RABL3: variants seen among roughly 807,000 people sequenced by gnomAD.
RABL3 encodes the protein RAB, member of RAS oncogene family like 3.
In RABL3, 31 loss-of-function variants were observed where a neutral mutation model predicts 31.8. That is an observed-to-expected ratio of 0.97 (90% CI 0.73 to 1.31). The LOEUF is 1.31. Ranked by LOEUF, RABL3 falls within the 40% of genes most tolerant of loss-of-function variation. The probability of loss-of-function intolerance (pLI) is 0.00; values close to 1 mark genes in which losing one functional copy is unlikely to be tolerated. For missense variants in RABL3, 263 were observed against 279.6 expected, an observed-to-expected ratio of 0.94 and a Z score of 0.42; for synonymous variants, 97 against 99.9, an observed-to-expected ratio of 0.97 and a Z score of 0.18.
At chr3:120,742,155 CTTTTT>C (rs55966768) in intron 1 of RABL3, among the ~76,000 whole-genome samples, 6 of 132,824 alleles carry the variant, frequency 4.5e-5, no homozygotes, top group African/African-American at 1.7e-4. Context: ...TCAATGCCTG[CTTTTT>C]TTTTTTTTTT....
chr3:120,701,298 C>T (rs202066343), intron 4 of RABL3, among the ~76,000 whole-genome samples: 4 of 152,200 alleles, frequency 2.6e-5, no homozygotes, highest in East Asian at 3.9e-4. Context: ...ATGAATCTTT[C>T]GTTGCTCGGA....
intron 4 of RABL3, among the ~76,000 whole-genome samples, chr3:120,698,811 T>C (rs541510557): frequency 2.6e-5 from 4 of 152,356 alleles, no homozygotes; most frequent in African/African-American, 9.6e-5. Flanking sequence ...CATGTTTTTA[T>C]TGAATATTGA....
chr3:120,732,208 G>A (rs1024472578), intron 1 of RABL3, among the ~76,000 whole-genome samples: 3 of 152,190 alleles, frequency 2.0e-5, no homozygotes, highest in Non-Finnish European at 4.4e-5. Flanking sequence ...TCCATAGCTT[G>A]TTCTGTCTGG....
intron 4 of RABL3, among the ~76,000 whole-genome samples, chr3:120,702,249 G>GTAC (rs1708500107): frequency 1.3e-5 from 2 of 152,252 alleles, no homozygotes; most frequent in Admixed American, 1.3e-4. Context: ...TAGTTTCATG[G>GTAC]CAGACAATTT....
At position 120,690,480 on chromosome 3, in the gene RABL3, T is replaced by C. The variant is rs1329895104; in HGVS notation, c.614A>G (p.Glu205Gly). ...KLSRFFDKVI[E>G]KRYFLREGNQ... ...ACCTTCTCTTAAAAAGTATCTCTTC[T>C]CTATGACCTGTGAAAAACAAAGATT... Residue 205 changes from glutamate (E) to glycine (G), a missense_variant, in exon 7 of 8, where the codon GAG becomes GGG. Coordinates refer to ENST00000273375, the MANE Select transcript of RABL3 (RefSeq NM_173825.5). The C allele has an allele frequency of 5.0e-6, 8 of 1,603,890 alleles. No homozygotes were observed. The highest frequency in any genetic ancestry group is 6.8e-6 in the Non-Finnish European group (8 of 1,171,304).
intron 4 of RABL3, among the ~76,000 whole-genome samples, chr3:120,698,810 A>G (rs959200799): frequency 6.6e-6 from 1 of 152,168 alleles, no homozygotes; most frequent in African/African-American, 2.4e-5. Context: ...CCATGTTTTT[A>G]TTGAATATTG....
chr3:120,733,088 T>A (rs543682328), intron 1 of RABL3, among the ~76,000 whole-genome samples: 7 of 152,218 alleles, frequency 4.6e-5, no homozygotes, highest in African/African-American at 1.7e-4. Flanking sequence ...AGTAACGGGA[T>A]GGCCGGGTCA....
chr3:120,711,835 C>G (rs897000631), intron 2 of RABL3, among the ~76,000 whole-genome samples: 1 of 152,110 alleles, frequency 6.6e-6, no homozygotes, highest in Non-Finnish European at 1.5e-5. Context: ...ATTCTCCAAA[C>G]GATTCTGCTG....
At chr3:120,727,317 C>T (rs922287175) in intron 2 of RABL3, among the ~76,000 whole-genome samples, 2 of 151,966 alleles carry the variant, frequency 1.3e-5, no homozygotes, top group African/African-American at 4.8e-5. Context: ...GAATATTGTT[C>T]AATTATCTTA....
chr3:120,707,777 G>T (rs1342708744), intron 3 of RABL3, among the ~76,000 whole-genome samples: 1 of 152,086 alleles, frequency 6.6e-6, no homozygotes, highest in African/African-American at 2.4e-5. Context: ...CTTTACTGAG[G>T]ATCTTTAGGT....
chr3:120,710,055 T>C, intron 2 of RABL3, 146 bp from the exon 3 acceptor site: 1 of 573,186 alleles, frequency 1.7e-6, no homozygotes, highest in East Asian at 3.0e-5. Context: ...TTTAATACTT[T>C]AATAATTTTT....
rs546695605 is a variant in RABL3, at chr3:120,686,930, G to A, written c.*2893C>T. ...GATAAAGGGTACCTATGGAATGAAG[G>A]TTTTATGATCTACTTCAGGGAACAG... On this transcript the variant is annotated 3_prime_UTR_variant, in exon 8 of 8. Transcript: ENST00000273375. 1 of 152,270 alleles carries A rather than the reference G, an allele frequency of 6.6e-6. No homozygotes were observed. Among genetic ancestry groups the A allele is most frequent in the East Asian group, 1.9e-4 (1 of 5,178 alleles). 9.4% of individuals were successfully genotyped at this position (152,270 alleles called of 1,614,324 possible).
chr3:120,692,262 G>A (rs1387728793), intron 6 of RABL3, among the ~76,000 whole-genome samples: 1 of 151,940 alleles, frequency 6.6e-6, no homozygotes, highest in East Asian at 1.9e-4. Flanking sequence ...GCAGTGGTGC[G>A]ATCTCGGCTC....
At chr3:120,731,617 G>A (rs894891161) in intron 1 of RABL3, among the ~76,000 whole-genome samples, 1 of 152,100 alleles carries the variant, frequency 6.6e-6, no homozygotes, top group Non-Finnish European at 1.5e-5. Context: ...CATTTTTGGG[G>A]TTCCATTATG....
intron 2 of RABL3, among the ~76,000 whole-genome samples, chr3:120,729,065 C>T (rs1002373729): frequency 1.8e-4 from 28 of 151,922 alleles, no homozygotes; most frequent in Non-Finnish European, 3.5e-4. Context: ...TTTTGAAATC[C>T]GGACCTTTGA....
chr3:120,726,717 C>A (rs549739363), intron 2 of RABL3, among the ~76,000 whole-genome samples: 1 of 151,500 alleles, frequency 6.6e-6, no homozygotes, highest in African/African-American at 2.4e-5. Context: ...GCACTCCAGC[C>A]GGAGCAACAG....
At position 120,726,659 on chromosome 3, in the gene RABL3, G is replaced by A. The variant is rs138600413; in HGVS notation, c.138+4037C>T. 4.4e-3 allele frequency among the ~76,000 whole-genome samples: 675 copies of A among 152,186 alleles called. 5 individuals are homozygous for A. The highest frequency in any genetic ancestry group is 0.015 in the African/African-American group (636 of 41,516). On this transcript the variant is annotated intron_variant, in intron 2 of 7. Transcript: ENST00000273375. ...CTCAGGAGGCTGAGGGAGGAGAATC[G>A]CTTGAACCCGGGAGGCAGAGGTTGC...
intron 4 of RABL3, among the ~76,000 whole-genome samples, chr3:120,701,837 A>G (rs1708495794): frequency 6.6e-6 from 1 of 152,236 alleles, no homozygotes; most frequent in Admixed American, 6.5e-5. Flanking sequence ...CAGAATAAGC[A>G]AACTCTATCC....
At chr3:120,725,868 A>G (rs1708813369) in intron 2 of RABL3, among the ~76,000 whole-genome samples, 1 of 152,372 alleles carries the variant, frequency 6.6e-6, no homozygotes, top group East Asian at 1.9e-4. Context: ...TAATGGGTGC[A>G]GCACACCAAC....
Sources: gnomAD v4.1 joint callset for allele counts (sites outside exome capture counted in the v4.1 genomes callset) on GRCh38, gnomAD v4.1.1 for gene constraint, MANE v1.5 for transcripts, NCBI Gene and HGNC (gene_info 2026-07-23, HGNC 2026-07-21) for gene names.